HFM1: variants seen among roughly 807,000 people sequenced by gnomAD.
HFM1 encodes the protein probable ATP-dependent DNA helicase HFM1.
A neutral mutation model predicts 192.1 loss-of-function variants in HFM1; 169 were observed. The observed-to-expected ratio is 0.88, with a 90% CI of 0.78 to 1.00. The LOEUF is 1.00. HFM1 is among the 50% of genes least tolerant of loss of function. HFM1 has a pLI of 0.00. For synonymous variants in HFM1, 525 were observed against 537.8 expected, an observed-to-expected ratio of 0.98 and a Z score of 0.33; for missense variants, 1,661 against 1,668.0, an observed-to-expected ratio of 1.00 and a Z score of 0.07.
intron 30 of HFM1, among the ~76,000 whole-genome samples, chr1:91,296,544 A>G (rs1647604954): frequency 2.6e-5 from 4 of 151,146 alleles, no homozygotes; most frequent in Admixed American, 1.3e-4. Flanking sequence ...GTTATTTCAG[A>G]AAAAAAAATG....
intron 30 of HFM1, among the ~76,000 whole-genome samples, chr1:91,287,297 C>T (rs868065122): frequency 2.6e-5 from 4 of 152,320 alleles, no homozygotes; most frequent in Middle Eastern, 3.4e-3. Context: ...GTTCTCCCAG[C>T]ATGCAGCTGG....
At chr1:91,330,442 G>A (rs373964703) in intron 20 of HFM1, among the ~76,000 whole-genome samples, 1 of 152,040 alleles carries the variant, frequency 6.6e-6, no homozygotes, top group Non-Finnish European at 1.5e-5. Flanking sequence ...AACCTACTAA[G>A]ATTGAACCAT....
At chr1:91,266,682 T>A (rs1177054655) in intron 35 of HFM1, among the ~76,000 whole-genome samples, 2 of 152,200 alleles carry the variant, frequency 1.3e-5, no homozygotes, top group Admixed American at 1.3e-4. Context: ...TGAGACTGAT[T>A]TTCCCAGTGA....
intron 19 of HFM1, among the ~76,000 whole-genome samples, 175 bp from the exon 20 acceptor site, chr1:91,343,685 T>G (rs1226607810): frequency 1.3e-5 from 2 of 152,062 alleles, no homozygotes; most frequent in African/African-American, 4.8e-5. Context: ...CTAACTAATA[T>G]GCTAAAAACA....
At chr1:91,281,641 G>T (rs779478877) in intron 30 of HFM1, among the ~76,000 whole-genome samples, 76 of 152,270 alleles carry the variant, frequency 5.0e-4, no homozygotes, top group Admixed American at 9.8e-4. Context: ...ATGTATTAAG[G>T]CATCTTTATA....
rs1668772604 is a variant in HFM1 at position 91,291,646 on chromosome 1, CT to C, written c.3392-14585del. Among the ~76,000 whole-genome samples, 6 of 152,272 alleles carry C rather than the reference CT, an allele frequency of 3.9e-5. No homozygotes were observed. The South Asian group carries it at 1.0e-3, about 26-fold the overall frequency. ...GTACAAGTAGGAACTGGTACCATTC[CT>C]TCTGAAACTATTCCAATCAATAGAA... On this transcript the variant is annotated intron_variant, in intron 30 of 38. Coordinates refer to ENST00000370425, the MANE Select transcript of HFM1 (RefSeq NM_001017975.6).
chr1:91,357,320 T>C (rs1398066561), intron 13 of HFM1, among the ~76,000 whole-genome samples: 1 of 152,216 alleles, frequency 6.6e-6, no homozygotes, highest in African/African-American at 2.4e-5. Flanking sequence ...CACTGTGATA[T>C]ATCACATTAA....
Position 91,313,443 on chromosome 1 carries a change from C to A in HFM1, c.3297G>T (p.Arg1099Ser), listed in dbSNP as rs1360613420. The A allele has an allele frequency of 6.2e-7, 1 of 1,601,524 alleles. No individual in the cohort carries two copies. Among genetic ancestry groups the A allele is most frequent in the Non-Finnish European group, 8.5e-7 (1 of 1,172,316 alleles). The change falls in exon 30 of 39, where the codon AGG (arginine) becomes AGT (serine). Residue 1099 changes from arginine to serine, a missense_variant. Physicochemically the swap from Arg to Ser is moderately radical, Grantham distance 110 (BLOSUM62 -1). Coordinates refer to ENST00000370425, the MANE Select transcript of HFM1 (RefSeq NM_001017975.6). ...TTTGCATAGTGATTTGATTTCCAAA[C>A]CTCTTGGGTTCTAAGTAAAAGACTG... The part of the protein sequence containing the change: ...KLTVFYLEPK[R>S]FGNQITMQRK...
chr1:91,272,223 T>A lies in HFM1; in HGVS notation c.3772+1489A>T, dbSNP rs1250185337. Reference sequence around the variant, plus strand: ...GCTTTACATGCATTATCTCATTTAATCCTAAAACCCCTAAAATATAACCAG... The same window carrying A: ...GCTTTACATGCATTATCTCATTTAAACCTAAAACCCCTAAAATATAACCAG... On this transcript the variant is annotated intron_variant, in intron 34 of 38. Coordinates refer to ENST00000370425, the MANE Select transcript of HFM1 (RefSeq NM_001017975.6). Among the ~76,000 whole-genome samples, 5 of 152,250 alleles carry A rather than the reference T, an allele frequency of 3.3e-5. No homozygotes were observed. The East Asian group carries it at 9.6e-4, about 29-fold the overall frequency.
intron 4 of HFM1, among the ~76,000 whole-genome samples, chr1:91,388,441 C>T (rs965036669): frequency 6.6e-5 from 10 of 152,112 alleles, no homozygotes; most frequent in African/African-American, 2.4e-4. Flanking sequence ...CAGTCAACAC[C>T]CAGTCTTTAC....
In HFM1 at chr1:91,380,954, T is replaced by C. The variant is rs201688317; in HGVS notation, c.831A>G (p.Glu277=). The C allele has an allele frequency of 8.1e-5, 119 of 1,460,734 alleles. No individual in the cohort carries two copies. The East Asian group carries it at 2.3e-3, about 28-fold the overall frequency. The allele number at this position is 1,460,734 out of a possible 1,614,324, so 90.5% of individuals were successfully genotyped here. Residue 277 remains glutamate, a synonymous_variant, in exon 7 of 39, where the codon GAA becomes GAG. Coordinates refer to ENST00000370425, the MANE Select transcript of HFM1 (RefSeq NM_001017975.6). The part of the protein sequence containing the change: ...IPAKFRSIFK[E]FPYFNYIQSK... ...ACTGTATATAGTTGAAATATGGAAA[T>C]TCTTTGAAAATACTTCTAAATTTTG...
intron 28 of HFM1, among the ~76,000 whole-genome samples, chr1:91,315,020 C>T (rs1454720584): frequency 1.3e-5 from 2 of 152,136 alleles, no homozygotes; most frequent in Admixed American, 6.5e-5. Flanking sequence ...CCTGAACTTA[C>T]AAGTACAGTA....
Position 91,350,777 on chromosome 1 carries a change from G to T in HFM1, c.2167C>A (p.Leu723Met). The T allele has an allele frequency of 6.2e-7, 1 of 1,611,616 alleles. No homozygotes were observed. Residue 723 changes from leucine to methionine, a missense_variant, in exon 18 of 39, where the codon CTG (leucine) becomes ATG (methionine). Coordinates refer to ENST00000370425, the MANE Select transcript of HFM1 (RefSeq NM_001017975.6). ...NIAVEWIRST[L>M]LYIRALKNPS... ...TTTTTCAAGGCTCTGATATAAAGCA[G>T]AGTTGATCGTATCCATTCCACAGCA...
At chr1:91,353,559 A>C (rs1657258695) in intron 13 of HFM1, among the ~76,000 whole-genome samples, 2 of 151,444 alleles carry the variant, frequency 1.3e-5, no homozygotes, top group South Asian at 4.2e-4. Context: ...TTGGTGATTA[A>C]CAAGTCAGTA....
chr1:91,274,988 T>G (rs1376481415), intron 32 of HFM1, among the ~76,000 whole-genome samples, 179 bp from the exon 33 acceptor site: 1 of 150,436 alleles, frequency 6.6e-6, no homozygotes, highest in Non-Finnish European at 1.5e-5. Context: ...TGTTGGCATT[T>G]TTTTTTTTTT....
Position 91,315,809 on chromosome 1 carries a change from A to G in HFM1, c.3140+6T>C. ...TAAGATCAAACATCAGAAATTTCACACTTACGTAATCTTGTGCAGATAAAC... is the reference window on the plus strand; with the variant it reads ...TAAGATCAAACATCAGAAATTTCACGCTTACGTAATCTTGTGCAGATAAAC... On this transcript the variant is annotated splice_donor_region_variant and intron_variant, in intron 28 of 38. Coordinates refer to ENST00000370425, the MANE Select transcript of HFM1 (RefSeq NM_001017975.6). 1 of 1,584,292 alleles carries G rather than the reference A, an allele frequency of 6.3e-7. No homozygotes were observed. Among genetic ancestry groups the G allele is most frequent in the South Asian group, 1.2e-5 (1 of 86,330 alleles).
chr1:91,290,566 C>A (rs563258296), intron 30 of HFM1, among the ~76,000 whole-genome samples: 291 of 152,208 alleles, frequency 1.9e-3, no homozygotes, highest in Non-Finnish European at 3.4e-3. Flanking sequence ...CCTGAGTGAC[C>A]TACAAAGAGA....
intron 30 of HFM1, among the ~76,000 whole-genome samples, chr1:91,308,815 CAGA>C (rs558755469): frequency 2.7e-4 from 41 of 152,232 alleles, no homozygotes; most frequent in African/African-American, 8.2e-4. Flanking sequence ...TACATTTCAC[CAGA>C]AGAAGTTTCC....
chr1:91,304,680 T>C (rs1340062143), intron 30 of HFM1, among the ~76,000 whole-genome samples: 2 of 151,572 alleles, frequency 1.3e-5, no homozygotes, highest in East Asian at 1.9e-4. Flanking sequence ...AGTTTCACTA[T>C]GTTGGCCAAG....
Sources: allele counts gnomAD v4.1 joint callset (sites outside exome capture counted in the v4.1 genomes callset), GRCh38; gene constraint gnomAD v4.1.1; transcripts MANE v1.5; gene names NCBI Gene and HGNC (gene_info 2026-07-23, HGNC 2026-07-21).